Variants in CARMIL3 observed in about 807,000 individuals in gnomAD.
The protein encoded by CARMIL3 is capping protein regulator and myosin 1 linker 3.
In CARMIL3, 88 loss-of-function variants were observed where a neutral mutation model predicts 180.8. That is an observed-to-expected ratio of 0.49 (90% CI 0.41 to 0.58). The LOEUF (loss-of-function observed/expected upper bound fraction) is 0.58. CARMIL3 is among the 20% of genes least tolerant of loss of function. The pLI, the probability that CARMIL3 is intolerant of heterozygous loss-of-function variation, is 0.00. For missense variants in CARMIL3, 1,548 were observed against 1,787.0 expected, an observed-to-expected ratio of 0.87 and a Z score of 2.41; for synonymous variants, 696 against 714.5, an observed-to-expected ratio of 0.97 and a Z score of 0.41.
Position 24,061,268 on chromosome 14 carries a change from T to G in CARMIL3, c.2304+228T>G. 1 of 631,962 alleles carries G rather than the reference T, an allele frequency of 1.6e-6. No individual in the cohort carries two copies. Among genetic ancestry groups the G allele is most frequent in the Non-Finnish European group, 2.7e-6 (1 of 366,758 alleles). 39.1% of individuals were successfully genotyped at this position (631,962 alleles called of 1,614,324 possible). A position where few individuals can be genotyped will look rare whatever the true frequency, so the allele number is the denominator to read the frequency against. ...TGAACTCTGACCTCCCTGCTCTGGA[T>G]TTGGATCCTTGGACTGACTGCCCCT... On this transcript the variant is annotated intron_variant, in intron 26 of 39. Transcript: ENST00000342740. The surrounding 1 kb of genome is among the most constrained non-coding windows in gnomAD (Gnocchi z 4.1).
At position 24,058,240 on chromosome 14, in the gene CARMIL3, C is replaced by A; in HGVS notation, c.1392+16C>A. 1 of 1,611,248 alleles carries A rather than the reference C, an allele frequency of 6.2e-7. No individual in the cohort carries two copies. The highest frequency in any genetic ancestry group is 1.3e-5 in the African/African-American group (1 of 74,978). On this transcript the variant is annotated intron_variant, in intron 17 of 39. Transcript: ENST00000342740. This position sits in a 1 kb window ranked among gnomAD's most constrained non-coding sequence, Gnocchi z 6.4. ...CAGCTGCGAGGTGAGCCCTCAGTCC[C>A]CAACCCCTCTGCCCGCCTCCGATCC...
In CARMIL3 at chr14:24,058,886, C is replaced by T; in HGVS notation, c.1475-4C>T. 3.7e-6 allele frequency: 6 copies of T among 1,614,216 alleles called. No homozygotes were observed. Among genetic ancestry groups the T allele is most frequent in the Non-Finnish European group, 5.1e-6 (6 of 1,180,032 alleles). On this transcript the variant is annotated splice_region_variant and splice_polypyrimidine_tract_variant and intron_variant, in intron 18 of 39. Transcript: ENST00000342740. The surrounding 1 kb of genome is among the most constrained non-coding windows in gnomAD (Gnocchi z 6.4). ...AGGCCAGGCCTCTCCCATCTGCTCA[C>T]CAGGGTTCGACTCGGACCTCCTGAC...
In CARMIL3 at chr14:24,069,625, G is replaced by A; in HGVS notation, c.*221G>A. ...GCCTCGATACCTCTCTCTGCAGAGA[G>A]CTTCTGGGTGGGGGCTTATCTCCTC... On this transcript the variant is annotated 3_prime_UTR_variant, in exon 40 of 40. Coordinates refer to ENST00000342740, the MANE Select transcript of CARMIL3 (RefSeq NM_138360.4). The A allele has an allele frequency of 1.7e-6, 1 of 597,676 alleles. No homozygotes were observed. The highest frequency in any genetic ancestry group is 2.8e-5 in the East Asian group (1 of 35,778). The allele number at this position is 597,676 out of a possible 1,614,324, so 37.0% of individuals were successfully genotyped here. A position where few individuals can be genotyped will look rare whatever the true frequency, so the allele number is the denominator to read the frequency against.
intron 24 of CARMIL3, 89 bp downstream of exon 24, chr14:24,060,344 GAGGCACTGCATGGTGCCTA>G: frequency 7.0e-7 from 1 of 1,418,776 alleles, no homozygotes; most frequent in South Asian, 1.2e-5. Flanking sequence ...GGAGCATGAA[GAGGCACTGCATGGTGCCTA>G]TCACTGGACT....
At position 24,052,064 on chromosome 14, in the gene CARMIL3, G is replaced by T. The variant is rs932760451; in HGVS notation, c.-90G>T. The T allele has an allele frequency of 6.8e-5, 92 of 1,347,694 alleles. No individual in the cohort carries two copies. The African/African-American group carries it at 1.2e-3, about 17-fold the overall frequency. The allele number at this position is 1,347,694 out of a possible 1,614,324, so 83.5% of individuals were successfully genotyped here. ...GCCGCTGCTGCAGCGCTCAGCGCCCGGGCCCTGCTGAAGCCGGGTCTAGCA... is the reference window on the plus strand; with the variant it reads ...GCCGCTGCTGCAGCGCTCAGCGCCCTGGCCCTGCTGAAGCCGGGTCTAGCA... On this transcript the variant is annotated 5_prime_UTR_variant, in exon 1 of 40. Transcript: ENST00000342740.
At chr14:24,062,388 G>A (rs1256344134) in intron 27 of CARMIL3, 92 bp from the exon 28 acceptor site, 90 of 1,179,630 alleles carry the variant, frequency 7.6e-5, no homozygotes, top group South Asian at 1.6e-4. Flanking sequence ...CCAGCTGGCC[G>A]TTCTCTCAGG....
At chr14:24,053,938 C>G (rs1434558452) in intron 2 of CARMIL3, 135 bp downstream of exon 2, 2 of 1,133,572 alleles carry the variant, frequency 1.8e-6, no homozygotes, top group African/African-American at 3.1e-5. Flanking sequence ...GGGGAGGAGG[C>G]AGGGCTGGAC....
Position 24,069,217 on chromosome 14 carries a change from C to A in CARMIL3, c.4063C>A (p.Pro1355Thr). The A allele has an allele frequency of 3.1e-6, 5 of 1,613,984 alleles. No individual in the cohort carries two copies. Among genetic ancestry groups the A allele is most frequent in the Non-Finnish European group, 4.2e-6 (5 of 1,179,996 alleles). ...GGCACAGTCCTGTGACAAGCTGGAA[C>A]CTGATAGAAGACGGCCTCCTGACCC... ...RRAQSCDKLE[P>T]DRRRPPDPTG... Residue 1355 changes from proline to threonine, a missense_variant, in exon 39 of 40, where the codon CCT becomes ACT. Coordinates refer to ENST00000342740, the MANE Select transcript of CARMIL3 (RefSeq NM_138360.4).
rs563684330 is a variant in CARMIL3 at position 24,065,884 on chromosome 14, T to C, written c.3525+134T>C. 19 of 1,290,274 alleles carry C rather than the reference T, an allele frequency of 1.5e-5. No individual in the cohort carries two copies. The South Asian group carries it at 1.8e-4, about 12-fold the overall frequency. 79.9% of individuals were successfully genotyped at this position (1,290,274 alleles called of 1,614,324 possible). On this transcript the variant is annotated intron_variant, in intron 34 of 39. Transcript: ENST00000342740. ...TGGCATTAGAAGATGTTAGCTGCTC[T>C]TCAGCCCCCACCACACACTTGCCGT...
chr14:24,065,797 TCCA>T, intron 34 of CARMIL3, 47 bp downstream of exon 34: 1 of 1,598,172 alleles, frequency 6.3e-7, no homozygotes, highest in Non-Finnish European at 8.5e-7. Flanking sequence ...AGGGTATCTG[TCCA>T]CCACCCTCTC....
intron 2 of CARMIL3, 47 bp downstream of exon 2, chr14:24,053,850 C>T (rs368187955): frequency 6.6e-7 from 1 of 1,520,234 alleles, no homozygotes; most frequent in African/African-American, 1.4e-5. Context: ...CTGGCAAGGG[C>T]AGCTGGCCAG....
At chr14:24,063,019 C>T (rs2035747812) in intron 29 of CARMIL3, 101 bp from the exon 30 acceptor site, 1 of 1,553,598 alleles carries the variant, frequency 6.4e-7, no homozygotes, top group South Asian at 1.2e-5. Context: ...GCCTCAGCCC[C>T]CTGAGGAGCG....
At chr14:24,055,365 C>T in intron 8 of CARMIL3, 55 bp downstream of exon 8, 1 of 1,591,284 alleles carries the variant, frequency 6.3e-7, no homozygotes, top group Non-Finnish European at 8.6e-7. Context: ...AGCCCAACCC[C>T]AGCCCTTCCC....
Position 24,065,078 on chromosome 14 carries a change from CAG to C in CARMIL3, c.3202_3203del (p.Arg1068GlyfsTer26). On this transcript the variant is annotated frameshift_variant, in exon 33 of 40. Transcript: ENST00000342740. LOFTEE classifies it high-confidence loss of function. Reference sequence around the variant, plus strand: ...GCCGGCCCCGGAGCTTCAAGGGGGACAGGGGGCCGGGGTCCCCTACCACTGGA... The same window carrying C: ...GCCGGCCCCGGAGCTTCAAGGGGGACGGGGCCGGGGTCCCCTACCACTGGA... ...FRRPRSFKGD[R>X]GPGSPTTGLL... 4.4e-6 allele frequency: 7 copies of C among 1,591,696 alleles called. No homozygotes were observed. Among genetic ancestry groups the C allele is most frequent in the Non-Finnish European group, 6.0e-6 (7 of 1,171,528 alleles).
rs376165345 is a variant in CARMIL3 at position 24,052,189 on chromosome 14, G to T, written c.36G>T (p.Leu12Phe). ...AKPSVELTRE[L>F]QDSIRRCLSQ... is the part of the protein sequence containing the mutation. ...CCAGCGTGGAGCTCACCCGCGAGTTGCAAGGTACGAGGCTGCCTCGGTCTC... is the reference window on the plus strand; with the variant it reads ...CCAGCGTGGAGCTCACCCGCGAGTTTCAAGGTACGAGGCTGCCTCGGTCTC... The change falls in exon 1 of 40, where the codon TTG (leucine) becomes TTT (phenylalanine). Residue 12 changes from leucine to phenylalanine, a missense_variant. Leu to Phe is a conservative substitution (Grantham distance 22, BLOSUM62 0). This residue lies in a region of CARMIL3 where 578 missense variants were observed against 666.5 expected (regional missense o/e 0.87). Transcript: ENST00000342740. 7.5e-6 allele frequency: 12 copies of T among 1,591,650 alleles called. No homozygotes were observed. The highest frequency in any genetic ancestry group is 9.4e-6 in the Non-Finnish European group (11 of 1,173,258).
Position 24,065,115 on chromosome 14 carries a change from C to CCCG in CARMIL3, c.3239_3240insCGC (p.Pro1080_Pro1081insAla). 4 of 1,503,210 alleles carry CCCG rather than the reference C, an allele frequency of 2.7e-6. No individual in the cohort carries two copies. Among genetic ancestry groups the CCCG allele is most frequent in the Non-Finnish European group, 2.7e-6 (3 of 1,127,004 alleles). 93.1% of individuals were successfully genotyped at this position (1,503,210 alleles called of 1,614,324 possible). On this transcript the variant is annotated inframe_insertion, in exon 33 of 40. Transcript: ENST00000342740. Reference sequence around the variant, plus strand: ...GTCCCCTACCACTGGACTCCTCCTCCCTCCACCCCCACCCCCTCCCCCGAC... The same window carrying CCCG: ...GTCCCCTACCACTGGACTCCTCCTCCCCGCTCCACCCCCACCCCCTCCCCCGAC...
At chr14:24,055,411 T>A (rs760316902) in intron 8 of CARMIL3, 101 bp downstream of exon 8, 1 of 1,486,084 alleles carries the variant, frequency 6.7e-7, no homozygotes, top group Non-Finnish European at 9.4e-7. Flanking sequence ...CCCAGCTCTA[T>A]CTCCCCAACT....
chr14:24,062,605 G>A (rs773387370), intron 28 of CARMIL3, 38 bp downstream of exon 28: 21 of 1,613,396 alleles, frequency 1.3e-5, no homozygotes, highest in Middle Eastern at 1.7e-4. Flanking sequence ...GCTCGGGCAC[G>A]CCCTCCACCC....
chr14:24,059,661 C>T lies in CARMIL3; in HGVS notation c.1800-3C>T, dbSNP rs60008334. The T allele has an allele frequency of 1.9e-5, 31 of 1,614,024 alleles. No homozygotes were observed. The highest frequency in any genetic ancestry group is 1.1e-4 in the East Asian group (5 of 44,878). On this transcript the variant is annotated splice_region_variant and splice_polypyrimidine_tract_variant and intron_variant, in intron 21 of 39. Transcript: ENST00000342740. The surrounding 1 kb of genome is among the most constrained non-coding windows in gnomAD (Gnocchi z 6.3). ...GCCAAACTGGTGCTTACCCTCCCCCCAGAACTATCCTATGGGATCGGAACA... is the reference window on the plus strand; with the variant it reads ...GCCAAACTGGTGCTTACCCTCCCCCTAGAACTATCCTATGGGATCGGAACA...
Sources: gnomAD v4.1 joint callset for allele counts on GRCh38, gnomAD v4.1.1 for gene constraint, gnomAD v4.1.1 regional missense constraint, Gnocchi (gnomAD v3.1) non-coding constraint, MANE v1.5 for transcripts, NCBI Gene and HGNC (gene_info 2026-07-23, HGNC 2026-07-21) for gene names.